The following TMOD2 variants were observed in gnomAD, a reference collection of about 807,000 sequenced individuals.
TMOD2 encodes the protein tropomodulin-2.
TMOD2 carries 22 observed loss-of-function variants against 39.9 expected under a neutral mutation model. The ratio of observed to expected loss-of-function variants is 0.55; its 90% CI spans 0.39 to 0.79. The LOEUF (loss-of-function observed/expected upper bound fraction) is 0.79. Ranked by LOEUF, TMOD2 falls within the 30% of genes least tolerant of loss-of-function variation. The pLI is 0.00. For missense variants in TMOD2, 386 were observed against 413.3 expected (o/e 0.93, Z 0.57); for synonymous variants, 123 against 146.1 (o/e 0.84, Z 1.14).
rs2056136299 is a variant in TMOD2 at position 51,808,584 on chromosome 15, T to C, written c.*130T>C. On this transcript the variant is annotated 3_prime_UTR_variant, in exon 10 of 10. Transcript: ENST00000249700. ...GTTAACCACATAACTAATAATTTAA[T>C]TGTTATTCTTTTTTAGCACTACTTA... 1.7e-6 allele frequency: 1 copy of C among 582,928 alleles called. No individual in the cohort carries two copies. Among genetic ancestry groups the C allele is most frequent in the Non-Finnish European group, 2.9e-6 (1 of 349,260 alleles). The allele number at this position is 582,928 out of a possible 1,614,324, so 36.1% of individuals were successfully genotyped here. A position where few individuals can be genotyped will look rare whatever the true frequency, so the allele number is the denominator to read the frequency against.
chr15:51,788,669 G>T (rs2055987993), intron 7 of TMOD2, among the ~76,000 whole-genome samples: 1 of 151,794 alleles, frequency 6.6e-6, no homozygotes, highest in African/African-American at 2.4e-5. Context: ...ACTAACAGCG[G>T]ATCTCTCAAG....
chr15:51,788,311 C>G (rs574778714), intron 7 of TMOD2, among the ~76,000 whole-genome samples: 1 of 151,930 alleles, frequency 6.6e-6, no homozygotes, highest in South Asian at 2.1e-4. Context: ...AGTCAGAGGA[C>G]AAGATTAGAG....
chr15:51,779,068 C>T (rs552257230), intron 5 of TMOD2, among the ~76,000 whole-genome samples: 1 of 151,700 alleles, frequency 6.6e-6, no homozygotes, highest in Non-Finnish European at 1.5e-5. Flanking sequence ...GCAATCCTTC[C>T]ACTCAGCCTT....
chr15:51,798,055 T>C (rs2056063515), intron 7 of TMOD2, 142 bp from the exon 8 acceptor site: 2 of 655,076 alleles, frequency 3.1e-6, no homozygotes, highest in Non-Finnish European at 4.9e-6. Flanking sequence ...CTTTGTTACT[T>C]GGAGGTGAAA....
At chr15:51,802,234 C>T (rs2056095241) in intron 8 of TMOD2, among the ~76,000 whole-genome samples, 1 of 151,676 alleles carries the variant, frequency 6.6e-6, no homozygotes, top group African/African-American at 2.4e-5. Context: ...AAAAATAAAG[C>T]TATTATTCTA....
chr15:51,771,834 T>G (rs535071945), intron 3 of TMOD2, among the ~76,000 whole-genome samples: 12 of 152,340 alleles, frequency 7.9e-5, no homozygotes, highest in African/African-American at 2.9e-4. Flanking sequence ...TTTTCTATCT[T>G]CTGGCCATCC....
intron 4 of TMOD2, among the ~76,000 whole-genome samples, chr15:51,776,357 T>C (rs2055889425): frequency 6.6e-6 from 1 of 152,194 alleles, no homozygotes; most frequent in Non-Finnish European, 1.5e-5. Flanking sequence ...TTTCCTGCAT[T>C]CTGTGCTGCC....
intron 7 of TMOD2, among the ~76,000 whole-genome samples, chr15:51,792,108 A>G (rs753986007): frequency 1.3e-5 from 2 of 152,240 alleles, no homozygotes; most frequent in Non-Finnish European, 2.9e-5. Flanking sequence ...TTTGCAATCT[A>G]TCCATCTGAC....
intron 7 of TMOD2, among the ~76,000 whole-genome samples, chr15:51,794,559 A>T (rs1212223265): frequency 6.6e-6 from 1 of 152,132 alleles, no homozygotes; most frequent in African/African-American, 2.4e-5. Flanking sequence ...ACACCAAAAA[A>T]GAAAAAAGTG....
chr15:51,754,604 A>G (rs149477757), intron 1 of TMOD2, among the ~76,000 whole-genome samples: 40 of 152,236 alleles, frequency 2.6e-4, no homozygotes, highest in African/African-American at 9.6e-4. Flanking sequence ...ATACATATTT[A>G]CTTGCATGAA....
chr15:51,813,460 CTT>C lies in TMOD2; in HGVS notation c.*5007_*5008del, dbSNP rs1055649855. 2 of 152,198 alleles carry C rather than the reference CTT, an allele frequency of 1.3e-5. No individual in the cohort carries two copies. Among genetic ancestry groups the C allele is most frequent in the Non-Finnish European group, 2.9e-5 (2 of 68,036 alleles). The allele number at this position is 152,198 out of a possible 1,614,324, so 9.4% of individuals were successfully genotyped here. ...AACTAACTAGATGTTCTTCTGATCT[CTT>C]CCATGGTAGACATTCTGAGCACATT... On this transcript the variant is annotated 3_prime_UTR_variant, in exon 10 of 10. Transcript: ENST00000249700.
chr15:51,755,733 C>T (rs141018093), intron 1 of TMOD2, among the ~76,000 whole-genome samples: 3 of 152,194 alleles, frequency 2.0e-5, no homozygotes, highest in East Asian at 3.9e-4. Flanking sequence ...AAATGTTTTG[C>T]ACATCATCTA....
chr15:51,804,333 T>C (rs2056108402), intron 8 of TMOD2, among the ~76,000 whole-genome samples: 1 of 152,102 alleles, frequency 6.6e-6, no homozygotes, highest in African/African-American at 2.4e-5. Flanking sequence ...AGATGAAAAA[T>C]AAAAACACAC....
At chr15:51,755,375 G>A (rs975183513) in intron 1 of TMOD2, among the ~76,000 whole-genome samples, 4 of 152,152 alleles carry the variant, frequency 2.6e-5, no homozygotes, top group African/African-American at 9.7e-5. Flanking sequence ...TGGCATCAAG[G>A]CTGCCCCACT....
At chr15:51,778,013 T>C (rs2055900818) in intron 5 of TMOD2, among the ~76,000 whole-genome samples, 1 of 151,610 alleles carries the variant, frequency 6.6e-6, no homozygotes, top group South Asian at 2.1e-4. Flanking sequence ...CTATAAATCA[T>C]GCTGCTATAA....
In TMOD2 at chr15:51,796,540, G is replaced by A. The variant is rs1010880167; in HGVS notation, c.733-1657G>A. On this transcript the variant is annotated intron_variant, in intron 7 of 9. Transcript: ENST00000249700. The stretch of plus-strand genomic sequence containing the variant: ...TCCCCTTATCTGCAGAGGTTTCAGT[G>A]GATACCTGAAACCACAGATAGTACC... 3.3e-5 allele frequency among the ~76,000 whole-genome samples: 5 copies of A among 152,170 alleles called. No individual in the cohort carries two copies. The South Asian group carries it at 1.0e-3, about 32-fold the overall frequency.
chr15:51,799,243 C>G (rs978907397), intron 8 of TMOD2, among the ~76,000 whole-genome samples: 1 of 152,158 alleles, frequency 6.6e-6, no homozygotes, highest in African/African-American at 2.4e-5. Context: ...TATGAGCATT[C>G]GTTCCCCTGT....
intron 3 of TMOD2, 48 bp from the exon 4 acceptor site, chr15:51,773,664 C>A: frequency 6.4e-7 from 1 of 1,552,964 alleles, no homozygotes; most frequent in South Asian, 1.2e-5. Context: ...CTTACCCTAC[C>A]AATAAGGCAG....
rs765504293 is a variant in TMOD2, at chr15:51,767,896, C to T, written c.127-366C>T. On this transcript the variant is annotated intron_variant, in intron 2 of 9. Transcript: ENST00000249700. ...AGGAGAGGGGTTCCCCATGTCAGCT[C>T]CTTGTTAGAGTCTCATGTTTCTGCC... is the stretch of plus-strand genomic sequence containing the variant. Among the ~76,000 whole-genome samples the T allele has an allele frequency of 1.2e-4, 19 of 152,236 alleles. 1 individual carries two copies. The highest frequency in any genetic ancestry group is 2.6e-4 in the Non-Finnish European group (18 of 68,042).
Sources: allele counts gnomAD v4.1 joint callset (sites outside exome capture counted in the v4.1 genomes callset), GRCh38; gene constraint gnomAD v4.1.1; transcripts MANE v1.5; gene names NCBI Gene and HGNC (gene_info 2026-07-23, HGNC 2026-07-21).